Variants in CYRIB observed in about 807,000 individuals in gnomAD.
CYRIB encodes CYFIP related Rac1 interactor B.
Under a neutral mutation model 44.2 loss-of-function variants are expected in CYRIB, and 8 were observed. That is an observed-to-expected ratio of 0.18 (90% CI 0.11 to 0.33). The LOEUF is 0.33. Among genes scored for constraint, CYRIB ranks in the 10% least tolerant of loss-of-function variants. The pLI is 1.00. For synonymous variants in CYRIB, 131 were observed against 127.2 expected (o/e 1.03, Z -0.20); for missense variants, 185 against 382.8 (o/e 0.48, Z 4.31).
chr8:129,994,939 G>C (rs888122319), intron 1 of CYRIB, among the ~76,000 whole-genome samples: 6 of 152,198 alleles, frequency 3.9e-5, no homozygotes, highest in African/African-American at 1.4e-4. Context: ...GCAGTACTCA[G>C]CCCAGGGTCA....
intron 1 of CYRIB, among the ~76,000 whole-genome samples, chr8:129,987,556 CTTTTTTTT>C (rs35721101): frequency 7.1e-6 from 1 of 140,808 alleles, no homozygotes; most frequent in South Asian, 2.2e-4. Context: ...TTTTTCTTGT[CTTTTTTTT>C]TTTCTTTTTT....
chr8:129,944,030 A>T (rs1005380741), upstream of CYRIB, among the ~76,000 whole-genome samples: 1 of 151,984 alleles, frequency 6.6e-6, no homozygotes, highest in Admixed American at 6.6e-5. Flanking sequence ...GGGTGCTGTG[A>T]CACACTGAGA....
intron 10 of CYRIB, among the ~76,000 whole-genome samples, chr8:129,848,967 T>A (rs2041883531): frequency 6.6e-6 from 1 of 152,246 alleles, no homozygotes; most frequent in African/African-American, 2.4e-5. Context: ...AAATTCCTTA[T>A]ATCTAATTAT....
chr8:129,886,972 GACTC>G (rs1235749034), intron 2 of CYRIB, among the ~76,000 whole-genome samples: 2 of 152,236 alleles, frequency 1.3e-5, no homozygotes, highest in African/African-American at 2.4e-5. Context: ...GCCATGCAAT[GACTC>G]ACTAACACAC....
chr8:129,877,663 GGTGTGTGTGT>G lies in CYRIB; in HGVS notation c.73+1716_73+1725del, dbSNP rs5895011. 6.5e-3 allele frequency among the ~76,000 whole-genome samples: 855 copies of G among 130,690 alleles called. 7 individuals carry two copies. The highest frequency in any genetic ancestry group is 0.02 in the African/African-American group (624 of 30,650). The allele number at this position is 130,690 out of a possible 152,430, so 85.7% of individuals were successfully genotyped here. A position where few individuals can be genotyped will look rare whatever the true frequency, so the allele number is the denominator to read the frequency against. The stretch of plus-strand genomic sequence containing the variant: ...GACCTCATATCAAAAAAAAAAAAAA[GGTGTGTGTGT>G]GTGTGTGTGTGTGTGTGTGTGTGTA... On this transcript the variant is annotated intron_variant, in intron 3 of 11. Transcript: ENST00000519824.
At chr8:129,869,101 A>G (rs549174895) in intron 4 of CYRIB, among the ~76,000 whole-genome samples, 4 of 151,128 alleles carry the variant, frequency 2.6e-5, no homozygotes, top group Admixed American at 6.6e-5. Flanking sequence ...AGAAAGAAAA[A>G]AAGGCTGGGC....
chr8:129,928,329 A>C (rs1208985398), intron 1 of CYRIB, among the ~76,000 whole-genome samples: 3 of 151,866 alleles, frequency 2.0e-5, no homozygotes, highest in Non-Finnish European at 4.4e-5. Flanking sequence ...CTTAAGAAAA[A>C]AAAAAAAAAA....
At chr8:129,845,084 T>C (rs1367592163) in intron 11 of CYRIB, among the ~76,000 whole-genome samples, 4 of 152,206 alleles carry the variant, frequency 2.6e-5, no homozygotes, top group African/African-American at 7.2e-5. Context: ...CAAACACAGA[T>C]TACTTTGTGG....
At chr8:129,971,474 A>T (rs551598338) in intron 1 of CYRIB, among the ~76,000 whole-genome samples, 1 of 152,346 alleles carries the variant, frequency 6.6e-6, no homozygotes, top group Admixed American at 6.5e-5. Context: ...ATAGTCTGGT[A>T]TATTACAAAT....
intron 2 of CYRIB, among the ~76,000 whole-genome samples, chr8:129,957,108 C>T (rs1490437918): frequency 1.3e-5 from 2 of 152,192 alleles, no homozygotes; most frequent in Admixed American, 1.3e-4. Flanking sequence ...GCAATCCTCC[C>T]ACCACAGCCT....
chr8:129,860,865 G>GAA (rs34972546), intron 5 of CYRIB, among the ~76,000 whole-genome samples: 1 of 129,280 alleles, frequency 7.7e-6, no homozygotes. Flanking sequence ...GAGGCTTAAA[G>GAA]AAAAAAAAAA....
At chr8:129,923,408 G>A (rs2085110937) in intron 1 of CYRIB, among the ~76,000 whole-genome samples, 1 of 151,776 alleles carries the variant, frequency 6.6e-6, no homozygotes, top group African/African-American at 2.4e-5. Context: ...CCAAGTAGCT[G>A]GGATTACAGG....
At chr8:129,904,196 C>T (rs867977552) in intron 1 of CYRIB, among the ~76,000 whole-genome samples, 18 of 152,106 alleles carry the variant, frequency 1.2e-4, no homozygotes, top group African/African-American at 3.9e-4. Flanking sequence ...CAGGAAAAAG[C>T]CTCATGTTTT....
chr8:129,842,933 A>AAGTG (rs1381720859), intron 11 of CYRIB, among the ~76,000 whole-genome samples: 9 of 152,198 alleles, frequency 5.9e-5, no homozygotes, highest in African/African-American at 2.2e-4. Context: ...CAATTCTCCC[A>AAGTG]AGTGCCTTAT....
chr8:129,916,913 T>C (rs142652832), intron 1 of CYRIB, among the ~76,000 whole-genome samples: 228 of 152,346 alleles, frequency 1.5e-3, no homozygotes, highest in African/African-American at 5.0e-3. Flanking sequence ...AATACCAGTT[T>C]GAATCCTAGT....
intron 2 of CYRIB, among the ~76,000 whole-genome samples, chr8:129,954,704 T>C (rs536189988): frequency 9.2e-5 from 14 of 152,288 alleles, no homozygotes; most frequent in African/African-American, 3.4e-4. Flanking sequence ...GATCCCCCAG[T>C]CATGAACTCT....
At chr8:129,984,173 C>G (rs969517843) in intron 1 of CYRIB, among the ~76,000 whole-genome samples, 1 of 152,218 alleles carries the variant, frequency 6.6e-6, no homozygotes, top group East Asian at 1.9e-4. Context: ...AAGTCCTATC[C>G]TTAACAGTCC....
intron 1 of CYRIB, among the ~76,000 whole-genome samples, chr8:129,921,362 C>T (rs1490665775): frequency 6.6e-6 from 1 of 152,156 alleles, no homozygotes; most frequent in Non-Finnish European, 1.5e-5. Context: ...TTCAGATATA[C>T]ATTAACAGCC....
chr8:129,863,899 T>C (rs1194410892), intron 4 of CYRIB, among the ~76,000 whole-genome samples: 1 of 152,188 alleles, frequency 6.6e-6, no homozygotes, highest in African/African-American at 2.4e-5. Flanking sequence ...AAACATACCA[T>C]CTGAAATTCA....
Sources: allele counts gnomAD v4.1 joint callset (sites outside exome capture counted in the v4.1 genomes callset), GRCh38; gene constraint gnomAD v4.1.1; transcripts MANE v1.5; gene names NCBI Gene and HGNC (gene_info 2026-07-23, HGNC 2026-07-21).